Variants in TIAM1 observed in about 807,000 individuals in gnomAD.
TIAM1 encodes TIAM Rac1 associated GEF 1, also known as rho guanine nucleotide exchange factor TIAM1.
TIAM1 carries 65 observed loss-of-function variants against 163.5 expected under a neutral mutation model. That is an observed-to-expected ratio of 0.40 (90% CI 0.33 to 0.49). TIAM1 has a LOEUF of 0.49. Ranked by LOEUF, TIAM1 falls within the 20% of genes least tolerant of loss-of-function variation. The probability of loss-of-function intolerance (pLI) is 0.77; values close to 1 mark genes in which losing one functional copy is unlikely to be tolerated. For synonymous variants in TIAM1, 833 were observed against 810.1 expected (o/e 1.03, Z -0.48); for missense variants, 1,789 against 2,044.7 (o/e 0.87, Z 2.41).
chr21:31,173,424 A>G (rs1029797371), intron 15 of TIAM1, among the ~76,000 whole-genome samples: 5 of 151,988 alleles, frequency 3.3e-5, no homozygotes, highest in African/African-American at 1.2e-4. Flanking sequence ...TTTTACTGTT[A>G]TAAGATTTTA....
intron 1 of TIAM1, among the ~76,000 whole-genome samples, chr21:31,519,245 C>A (rs917989750): frequency 3.2e-4 from 43 of 135,346 alleles, no homozygotes; most frequent in Non-Finnish European, 1.4e-4. Flanking sequence ...GCGGAGGTTG[C>A]GGTGAGCCGA....
chr21:31,237,890 T>C lies in TIAM1; in HGVS notation c.1584+7598A>G, dbSNP rs74957474. Reference sequence around the variant, plus strand: ...GAATGAATGAAGGCCCAATAGGAAATTGTACTTTGTAGGTGGTAGGTACTG... The same window carrying C: ...GAATGAATGAAGGCCCAATAGGAAACTGTACTTTGTAGGTGGTAGGTACTG... On this transcript the variant is annotated intron_variant, in intron 6 of 27. Coordinates refer to ENST00000541036, the MANE Select transcript of TIAM1 (RefSeq NM_001353694.2). Among the ~76,000 whole-genome samples, 22 of 152,348 alleles carry C rather than the reference T, an allele frequency of 1.4e-4. No individual in the cohort carries two copies. The East Asian group carries it at 2.9e-3, about 20-fold the overall frequency.
At chr21:31,411,785 G>A (rs2077363153) in intron 2 of TIAM1, among the ~76,000 whole-genome samples, 1 of 152,032 alleles carries the variant, frequency 6.6e-6, no homozygotes, top group Non-Finnish European at 1.5e-5. Context: ...CCCAATAAAT[G>A]TTATTTACAA....
At chr21:31,363,253 C>CA (rs1161906435) in intron 2 of TIAM1, among the ~76,000 whole-genome samples, 1 of 152,144 alleles carries the variant, frequency 6.6e-6, no homozygotes, top group African/African-American at 2.4e-5. Flanking sequence ...GGATGAAAGA[C>CA]AGAGAGCATT....
intron 16 of TIAM1, among the ~76,000 whole-genome samples, chr21:31,161,232 A>G (rs2083907089): frequency 6.6e-6 from 1 of 152,242 alleles, no homozygotes; most frequent in Non-Finnish European, 1.5e-5. Context: ...GGAAAACACA[A>G]TCACAGCTGC....
chr21:31,364,479 G>C (rs2076466038), intron 2 of TIAM1, among the ~76,000 whole-genome samples: 1 of 152,238 alleles, frequency 6.6e-6, no homozygotes, highest in Non-Finnish European at 1.5e-5. Context: ...AGCAACTGAA[G>C]TGGGTGTGGG....
chr21:31,335,692 G>A (rs1378110473), intron 2 of TIAM1, among the ~76,000 whole-genome samples: 6 of 147,206 alleles, frequency 4.1e-5, no homozygotes, highest in African/African-American at 1.6e-4. Flanking sequence ...GTGACAGAGC[G>A]AGACTCTGTC....
chr21:31,369,270 T>C (rs1045359776), intron 2 of TIAM1, among the ~76,000 whole-genome samples: 2 of 150,548 alleles, frequency 1.3e-5, no homozygotes, highest in Admixed American at 1.3e-4. Context: ...ATGAGGAAGC[T>C]ACATGAGACT....
chr21:31,303,980 A>G (rs2074600552), intron 2 of TIAM1, among the ~76,000 whole-genome samples: 1 of 152,206 alleles, frequency 6.6e-6, no homozygotes, highest in African/African-American at 2.4e-5. Flanking sequence ...GCCATCTCAA[A>G]AAAAAGAAAA....
At chr21:31,258,409 T>C (rs1465200304) in intron 4 of TIAM1, among the ~76,000 whole-genome samples, 1 of 152,230 alleles carries the variant, frequency 6.6e-6, no homozygotes, top group African/African-American at 2.4e-5. Context: ...AGGTGACAAA[T>C]GAGTCCTAGC....
intron 3 of TIAM1, among the ~76,000 whole-genome samples, chr21:31,268,827 A>G (rs182311020): frequency 1.6e-4 from 25 of 152,374 alleles, no homozygotes; most frequent in African/African-American, 5.8e-4. Flanking sequence ...ATGCATTTCA[A>G]TAACACTAAA....
chr21:31,143,448 A>ATT (rs200841935), intron 20 of TIAM1, among the ~76,000 whole-genome samples: 1 of 118,410 alleles, frequency 8.4e-6, no homozygotes, highest in African/African-American at 3.6e-5. Flanking sequence ...TGTATATATA[A>ATT]TTTTTATATA....
rs78928758 is a variant in TIAM1, at chr21:31,230,154, C to G, written c.1585-4204G>C. ...AACCTCCCAGCCCCTACCCTCACCC[C>G]CTAACTCACAGAGTAAGAAAAGGAA... On this transcript the variant is annotated intron_variant, in intron 6 of 27. Coordinates refer to ENST00000541036, the MANE Select transcript of TIAM1 (RefSeq NM_001353694.2). Among the ~76,000 whole-genome samples, 826 of 152,252 alleles carry G rather than the reference C, an allele frequency of 5.4e-3. 12 individuals are homozygous for G. Among genetic ancestry groups the G allele is most frequent in the African/African-American group, 0.019 (798 of 41,554 alleles).
intron 2 of TIAM1, among the ~76,000 whole-genome samples, chr21:31,430,806 C>T (rs1400018254): frequency 6.6e-6 from 1 of 152,068 alleles, no homozygotes; most frequent in Middle Eastern, 3.2e-3. Flanking sequence ...TTGAGTCTAT[C>T]ATAAAGTAAT....
chr21:31,240,193 A>C (rs2071092173), intron 6 of TIAM1, among the ~76,000 whole-genome samples: 1 of 152,170 alleles, frequency 6.6e-6, no homozygotes. Context: ...GTCCTGGTGA[A>C]TGCCATCAAC....
rs1460784699 is a variant in TIAM1 at position 31,406,381 on chromosome 21, A to G, written c.-369+57602T>C. 1.3e-5 allele frequency among the ~76,000 whole-genome samples: 2 copies of G among 152,184 alleles called. 1 individual carries two copies. The highest frequency in any genetic ancestry group is 2.9e-5 in the Non-Finnish European group (2 of 68,032). ...TATAGAACCCACCCTTTAAGACCTGAATAATCTTAAGCAAGTTACTTAAAC... is the reference window on the plus strand; with the variant it reads ...TATAGAACCCACCCTTTAAGACCTGGATAATCTTAAGCAAGTTACTTAAAC... On this transcript the variant is annotated intron_variant, in intron 2 of 28. Transcript: ENST00000286827.
rs534828585 is a variant in TIAM1, at chr21:31,361,505, C to T, written c.-368-22083G>A. 3.9e-4 allele frequency among the ~76,000 whole-genome samples: 59 copies of T among 152,238 alleles called. 1 individual carries two copies. The highest frequency in any genetic ancestry group is 1.4e-3 in the African/African-American group (57 of 41,528). ...TGGCCACATTACCCAGTAGGCTGTA[C>T]AGTCACGTGTTGTGCACTGTTCTGA... On this transcript the variant is annotated intron_variant, in intron 2 of 28. Transcript: ENST00000286827.
At chr21:31,427,604 C>T (rs1243175219) in intron 2 of TIAM1, among the ~76,000 whole-genome samples, 1 of 151,714 alleles carries the variant, frequency 6.6e-6, no homozygotes, top group Non-Finnish European at 1.5e-5. Context: ...TTTTAGGAGG[C>T]CGAGGTCAGG....
chr21:31,252,174 C>A lies in TIAM1; in HGVS notation c.979G>T (p.Glu327Ter), dbSNP rs199941816. 1 of 1,605,826 alleles carries A rather than the reference C, an allele frequency of 6.2e-7. No homozygotes were observed. Among genetic ancestry groups the A allele is most frequent in the Non-Finnish European group, 8.5e-7 (1 of 1,179,644 alleles). ...CCACTGTCTGCAAACTCACTGCCCT[C>A]GCCTGCATTAACATCCTTGGGAGCA... is the stretch of plus-strand genomic sequence containing the variant. ...AKTTQDVNAG[E>*]GSEFADSGIE... is the part of the protein sequence containing the mutation. The change falls in exon 5 of 28, where the codon GAG (glutamate) becomes TAG (stop). Residue 327 changes from glutamate (E) to a stop codon, truncating the protein, a stop_gained. Coordinates refer to ENST00000541036, the MANE Select transcript of TIAM1 (RefSeq NM_001353694.2). LOFTEE classifies it high-confidence loss of function.
Sources: gnomAD v4.1 joint callset for allele counts (sites outside exome capture counted in the v4.1 genomes callset) on GRCh38, gnomAD v4.1.1 for gene constraint, MANE v1.5 for transcripts, NCBI Gene and HGNC (gene_info 2026-07-23, HGNC 2026-07-21) for gene names.